The following PKIB variants were observed in gnomAD, a reference collection of about 807,000 sequenced individuals.
The protein encoded by PKIB is cAMP-dependent protein kinase inhibitor beta.
Under a neutral mutation model 4.5 loss-of-function variants are expected in PKIB, and 2 were observed. The observed-to-expected ratio is 0.44, with a 90% CI of 0.18 to 1.39. PKIB has a LOEUF of 1.39. Ranked by LOEUF, PKIB falls within the 40% of genes most tolerant of loss-of-function variation. PKIB has a pLI of 0.27. For missense variants in PKIB, 94 were observed against 92.6 expected (o/e 1.02, Z -0.06); for synonymous variants, 38 against 36.0 (o/e 1.06, Z -0.20).
At chr6:122,653,335 C>A (rs1357327848) in intron 2 of PKIB, among the ~76,000 whole-genome samples, 1 of 152,068 alleles carries the variant, frequency 6.6e-6, no homozygotes, top group Non-Finnish European at 1.5e-5. Context: ...AGGTGACTAG[C>A]ATCTCCACCC....
At chr6:122,505,509 A>G (rs1776370563) in intron 2 of PKIB, among the ~76,000 whole-genome samples, 1 of 152,218 alleles carries the variant, frequency 6.6e-6, no homozygotes, top group South Asian at 2.1e-4. Context: ...AACAGCATAA[A>G]TAGATACACA....
chr6:122,480,976 T>C, intron 2 of PKIB: 1 of 152,144 alleles, frequency 6.6e-6, no homozygotes, highest in East Asian at 1.9e-4. Flanking sequence ...GAAGTTAAAT[T>C]GAGTAAATCT....
At chr6:122,573,307 C>G (rs1460744169) in intron 2 of PKIB, among the ~76,000 whole-genome samples, 1 of 151,956 alleles carries the variant, frequency 6.6e-6, no homozygotes, top group Non-Finnish European at 1.5e-5. Context: ...GTGATCTTAT[C>G]ACTTAAACCC....
intron 3 of PKIB, among the ~76,000 whole-genome samples, chr6:122,599,844 A>G (rs1467304297): frequency 6.6e-6 from 1 of 152,138 alleles, no homozygotes; most frequent in Non-Finnish European, 1.5e-5. Flanking sequence ...AATCATATTA[A>G]GCAGCCAACT....
intron 4 of PKIB, among the ~76,000 whole-genome samples, chr6:122,722,756 A>G (rs778479631): frequency 2.7e-4 from 41 of 152,254 alleles, no homozygotes; most frequent in Admixed American, 2.2e-3. Context: ...CTTGATCCCA[A>G]TTCTCCTCCA....
chr6:122,561,561 T>C (rs1773012595), intron 2 of PKIB, among the ~76,000 whole-genome samples: 1 of 151,994 alleles, frequency 6.6e-6, no homozygotes, highest in African/African-American at 2.4e-5. Flanking sequence ...TTAGGTCTAT[T>C]AGTAATTTTT....
chr6:122,650,221 G>A (rs967783712), intron 2 of PKIB, among the ~76,000 whole-genome samples: 6 of 151,992 alleles, frequency 3.9e-5, no homozygotes, highest in Non-Finnish European at 7.4e-5. Context: ...GAATTTCATC[G>A]AGGTGGCAGG....
chr6:122,472,418 TTTAA>T (rs1775329747), intron 1 of PKIB, among the ~76,000 whole-genome samples: 1 of 149,940 alleles, frequency 6.7e-6, no homozygotes, highest in African/African-American at 2.5e-5. Flanking sequence ...TAAAATTATT[TTTAA>T]TTAGTTAGAT....
chr6:122,528,752 C>A (rs531090797), intron 2 of PKIB, among the ~76,000 whole-genome samples: 14 of 152,168 alleles, frequency 9.2e-5, no homozygotes, highest in Admixed American at 5.2e-4. Context: ...ACTAGCTGGG[C>A]ATGGTGGCAC....
chr6:122,559,970 A>G (rs982159898), intron 2 of PKIB, among the ~76,000 whole-genome samples: 2 of 152,178 alleles, frequency 1.3e-5, no homozygotes, highest in Non-Finnish European at 2.9e-5. Context: ...CAAGGTAAAC[A>G]ATCATATCAT....
At chr6:122,582,134 C>G (rs1309690883) in intron 2 of PKIB, among the ~76,000 whole-genome samples, 3 of 151,902 alleles carry the variant, frequency 2.0e-5, no homozygotes, top group Admixed American at 6.6e-5. Flanking sequence ...TTTTTGTCAT[C>G]TTTATGGAAC....
At chr6:122,715,466 T>G (rs1330169937) in intron 3 of PKIB, among the ~76,000 whole-genome samples, 1 of 151,864 alleles carries the variant, frequency 6.6e-6, no homozygotes, top group African/African-American at 2.4e-5. Flanking sequence ...AACTAGCCAC[T>G]TCTTACAAGC....
At chr6:122,580,262 T>A (rs1349894856) in intron 2 of PKIB, among the ~76,000 whole-genome samples, 1 of 152,180 alleles carries the variant, frequency 6.6e-6, no homozygotes, top group Non-Finnish European at 1.5e-5. Flanking sequence ...AAACATTTTC[T>A]ACTATCTTAA....
At chr6:122,651,840 G>A (rs1037093249) in intron 2 of PKIB, among the ~76,000 whole-genome samples, 1 of 152,078 alleles carries the variant, frequency 6.6e-6, no homozygotes, top group African/African-American at 2.4e-5. Flanking sequence ...ATTTTCCATA[G>A]TACAGTTGGC....
At chr6:122,580,223 G>T (rs943452745) in intron 2 of PKIB, among the ~76,000 whole-genome samples, 9 of 152,078 alleles carry the variant, frequency 5.9e-5, no homozygotes, top group African/African-American at 1.9e-4. Flanking sequence ...TCTTTAGGCA[G>T]AAATGTTTCA....
chr6:122,644,713 TTAAG>T (rs537074307), intron 2 of PKIB: 50 of 152,220 alleles, frequency 3.3e-4, no homozygotes, highest in African/African-American at 1.2e-3. Flanking sequence ...TGTTATCATT[TTAAG>T]TGTTTCTTGC....
At position 122,657,189 on chromosome 6, in the gene PKIB, A is replaced by G. The variant is rs1008672306; in HGVS notation, c.-75-17889A>G. Among the ~76,000 whole-genome samples the G allele has an allele frequency of 4.6e-5, 7 of 152,306 alleles. No individual in the cohort carries two copies. In the South Asian group the frequency reaches 1.2e-3, roughly 27 times the overall value. On this transcript the variant is annotated intron_variant, in intron 2 of 4. Coordinates refer to ENST00000368452, the MANE Select transcript of PKIB (RefSeq NM_181795.3). The stretch of plus-strand genomic sequence containing the variant: ...ACACCAACTATCTTCCAGTTGTTCA[A>G]TAAACATTTGTTAAACGAATGAATG...
At chr6:122,488,866 C>T (rs1775853351) in intron 2 of PKIB, among the ~76,000 whole-genome samples, 1 of 152,182 alleles carries the variant, frequency 6.6e-6, no homozygotes, top group South Asian at 2.1e-4. Context: ...CTGTCTATCT[C>T]TGTCTATCTA....
At chr6:122,651,077 C>T (rs1776534433) in intron 2 of PKIB, among the ~76,000 whole-genome samples, 1 of 152,136 alleles carries the variant, frequency 6.6e-6, no homozygotes. Context: ...GAAGGCCCTA[C>T]ACAAGCCAAA....
Sources: allele counts gnomAD v4.1 joint callset (sites outside exome capture counted in the v4.1 genomes callset), GRCh38; gene constraint gnomAD v4.1.1; transcripts MANE v1.5; gene names NCBI Gene and HGNC (gene_info 2026-07-23, HGNC 2026-07-21).